The following TRIM69 variants were observed in gnomAD, a reference collection of about 807,000 sequenced individuals.
The protein encoded by TRIM69 is E3 ubiquitin-protein ligase TRIM69.
In TRIM69, 29 loss-of-function variants were observed where a neutral mutation model predicts 37.7. The ratio of observed to expected loss-of-function variants is 0.77; its 90% CI spans 0.57 to 1.05. TRIM69 has a LOEUF of 1.05. Among genes scored for constraint, TRIM69 ranks in the 50% least tolerant of loss-of-function variants. TRIM69 has a pLI of 0.00. For synonymous variants in TRIM69, 209 were observed against 212.4 expected, an observed-to-expected ratio of 0.98 and a Z score of 0.14; for missense variants, 596 against 579.9, an observed-to-expected ratio of 1.03 and a Z score of -0.28.
intron 1 of TRIM69, among the ~76,000 whole-genome samples, chr15:44,743,147 C>T (rs2141311423): frequency 6.6e-6 from 1 of 152,240 alleles, no homozygotes; most frequent in Non-Finnish European, 1.5e-5. Context: ...ACAGAGCCCT[C>T]AGAAATAATG....
chr15:44,763,528 C>T (rs926618939), intron 6 of TRIM69, among the ~76,000 whole-genome samples: 13 of 152,114 alleles, frequency 8.5e-5, no homozygotes, highest in African/African-American at 2.9e-4. Context: ...GCACAGCCCA[C>T]GCTTAAGGAG....
chr15:44,741,658 A>G (rs894247831), intron 1 of TRIM69, among the ~76,000 whole-genome samples: 1 of 152,248 alleles, frequency 6.6e-6, no homozygotes, highest in Non-Finnish European at 1.5e-5. Flanking sequence ...CCACAGAAAT[A>G]CAAACTACCA....
chr15:44,764,112 CCCT>C (rs2087839098), intron 6 of TRIM69, among the ~76,000 whole-genome samples: 1 of 152,160 alleles, frequency 6.6e-6, no homozygotes, highest in Non-Finnish European at 1.5e-5. Context: ...CTGTGAAGTT[CCCT>C]CCTCTGTGTT....
intron 1 of TRIM69, among the ~76,000 whole-genome samples, chr15:44,742,407 C>T (rs372576274): frequency 3.5e-5 from 5 of 143,038 alleles, no homozygotes; most frequent in African/African-American, 5.2e-5. Context: ...AAAACTGGCA[C>T]AAGACAGGGA....
chr15:44,766,924 T>C (rs928806608), intron 6 of TRIM69, among the ~76,000 whole-genome samples: 3 of 151,248 alleles, frequency 2.0e-5, no homozygotes, highest in Middle Eastern at 3.4e-3. Context: ...CCAGGTGTGG[T>C]GGCACACACC....
At chr15:44,754,784 G>C in intron 1 of TRIM69, 116 bp from the exon 2 acceptor site, 1 of 742,978 alleles carries the variant, frequency 1.3e-6, no homozygotes, top group East Asian at 2.5e-5. Flanking sequence ...GAGAGATTAT[G>C]TGCTTTTACT....
At chr15:44,741,518 G>C (rs974546134) in intron 1 of TRIM69, among the ~76,000 whole-genome samples, 14 of 152,186 alleles carry the variant, frequency 9.2e-5, no homozygotes, top group Non-Finnish European at 1.6e-4. Context: ...AAAAGTTAAT[G>C]AATCCAGGAG....
chr15:44,758,901 G>A (rs751000158), intron 4 of TRIM69, 47 bp downstream of exon 4: 5 of 1,567,910 alleles, frequency 3.2e-6, no homozygotes, highest in African/African-American at 1.4e-5. Context: ...CTACCTAGAG[G>A]GGGGAAGAGG....
Position 44,758,634 on chromosome 15 carries a change from A to G in TRIM69, c.593A>G (p.His198Arg). The change falls in exon 4 of 7, where the codon CAT becomes CGT. Residue 198 changes from histidine (H) to arginine (R), a missense_variant. Coordinates refer to ENST00000329464, the MANE Select transcript of TRIM69 (RefSeq NM_182985.5). ...AIAAHKENKL[H>R]LQQHVSMEFL... The stretch of plus-strand genomic sequence containing the variant: ...GGAGGTTTCCAGGAAAACAAGCTAC[A>G]TCTGCAGCAACATGTGTCCATGGAG... The G allele has an allele frequency of 6.2e-7, 1 of 1,614,138 alleles. No individual in the cohort carries two copies. Among genetic ancestry groups the G allele is most frequent in the Non-Finnish European group, 8.5e-7 (1 of 1,180,006 alleles).
chr15:44,767,787 A>T lies in TRIM69; in HGVS notation c.*15A>T, dbSNP rs994440755. On this transcript the variant is annotated 3_prime_UTR_variant, in exon 7 of 7. Transcript: ENST00000329464. ...ATCCACAGTAATGAGTCATAATATTATACAAATTCAGAGTGTTATTAAAGA... is the reference window on the plus strand; with the variant it reads ...ATCCACAGTAATGAGTCATAATATTTTACAAATTCAGAGTGTTATTAAAGA... The T allele has an allele frequency of 1.9e-6, 3 of 1,586,128 alleles. No homozygotes were observed. The highest frequency in any genetic ancestry group is 2.7e-5 in the African/African-American group (2 of 73,998).
chr15:44,745,087 C>G (rs1349418915), intron 1 of TRIM69, among the ~76,000 whole-genome samples: 3 of 147,038 alleles, frequency 2.0e-5, no homozygotes, highest in Non-Finnish European at 4.5e-5. Context: ...AAAAAAAAAC[C>G]TGAGAAAGAC....
intron 1 of TRIM69, among the ~76,000 whole-genome samples, chr15:44,743,320 T>G (rs1284980624): frequency 6.6e-6 from 1 of 152,074 alleles, no homozygotes; most frequent in Non-Finnish European, 1.5e-5. Flanking sequence ...AATTCAAGAC[T>G]GATTAAAGAC....
chr15:44,757,488 G>A (rs992624982), intron 3 of TRIM69: 2 of 152,122 alleles, frequency 1.3e-5, no homozygotes, highest in Non-Finnish European at 2.9e-5. Context: ...GAGGTAGCCT[G>A]GAGAAGAATG....
intron 6 of TRIM69, among the ~76,000 whole-genome samples, chr15:44,761,424 A>C (rs2087772849): frequency 6.6e-6 from 1 of 152,090 alleles, no homozygotes; most frequent in Non-Finnish European, 1.5e-5. Flanking sequence ...ATTTTATTGA[A>C]TGTATAGTAG....
chr15:44,761,541 T>C (rs1269558165), intron 6 of TRIM69, among the ~76,000 whole-genome samples: 1 of 152,186 alleles, frequency 6.6e-6, no homozygotes, highest in Non-Finnish European at 1.5e-5. Context: ...CTCAACTCAC[T>C]GCAACCTCTG....
intron 1 of TRIM69, among the ~76,000 whole-genome samples, chr15:44,750,517 A>C (rs113421324): frequency 3.9e-5 from 6 of 152,060 alleles, no homozygotes; most frequent in Admixed American, 3.3e-4. Context: ...TGGGTTGTTC[A>C]TTTGTTGGCA....
At chr15:44,741,490 G>A (rs1203752936) in intron 1 of TRIM69, among the ~76,000 whole-genome samples, 1 of 152,198 alleles carries the variant, frequency 6.6e-6, no homozygotes, top group Non-Finnish European at 1.5e-5. Context: ...AGGAAAAAGA[G>A]ACACAATAAA....
chr15:44,740,423 C>A (rs6493120), intron 1 of TRIM69, among the ~76,000 whole-genome samples: 149,918 of 152,326 alleles, frequency 0.98, 73,913 homozygotes, highest in Middle Eastern at 1. Flanking sequence ...TCAGATGATC[C>A]AACTACTCCG....
At chr15:44,766,966 C>A (rs555916044) in intron 6 of TRIM69, among the ~76,000 whole-genome samples, 11 of 136,404 alleles carry the variant, frequency 8.1e-5, no homozygotes, top group African/African-American at 3.0e-4. Flanking sequence ...GGCTGAGGCA[C>A]GAGAATTGCT....
Sources: allele counts gnomAD v4.1 joint callset (sites outside exome capture counted in the v4.1 genomes callset), GRCh38; gene constraint gnomAD v4.1.1; transcripts MANE v1.5; gene names NCBI Gene and HGNC (gene_info 2026-07-23, HGNC 2026-07-21).